NRXN1: variants seen among roughly 807,000 people sequenced by gnomAD.
NRXN1 encodes neurexin 1.
In NRXN1, 39 loss-of-function variants were observed where a neutral mutation model predicts 150.9. The ratio of observed to expected loss-of-function variants is 0.26; its 90% CI spans 0.20 to 0.34. The LOEUF (loss-of-function observed/expected upper bound fraction) is 0.34, where lower values mean the gene tolerates loss of function less well. NRXN1 is among the 10% of genes least tolerant of loss of function. The pLI, the probability that NRXN1 is intolerant of heterozygous loss-of-function variation, is 1.00. For synonymous variants in NRXN1, 924 were observed against 757.0 expected (o/e 1.22, Z -3.62); for missense variants, 1,815 against 1,949.9 (o/e 0.93, Z 1.30).
intron 17 of NRXN1, among the ~76,000 whole-genome samples, chr2:50,331,155 G>T (rs1401335857): frequency 6.6e-6 from 1 of 151,964 alleles, no homozygotes; most frequent in Admixed American, 6.6e-5. Context: ...AATTGGAAAA[G>T]ACATTATAAA....
chr2:50,778,506 A>G (rs2105497187), intron 5 of NRXN1, among the ~76,000 whole-genome samples: 1 of 152,356 alleles, frequency 6.6e-6, no homozygotes, highest in Non-Finnish European at 1.5e-5. Flanking sequence ...AATTCCAGGT[A>G]GAACCTTGGT....
chr2:50,531,096 T>G (rs1273759302), intron 11 of NRXN1, 131 bp downstream of exon 11: 2 of 654,108 alleles, frequency 3.1e-6, no homozygotes, highest in Admixed American at 6.1e-5. Flanking sequence ...TCAAATTACT[T>G]TAAATGATGG....
chr2:50,358,648 G>C (rs1379511429), intron 17 of NRXN1, among the ~76,000 whole-genome samples: 1 of 152,336 alleles, frequency 6.6e-6, no homozygotes, highest in Non-Finnish European at 1.5e-5. Flanking sequence ...GCGGCTGTTG[G>C]CACAGCTTCA....
chr2:50,447,069 G>C (rs1464020834), intron 17 of NRXN1, among the ~76,000 whole-genome samples: 1 of 152,114 alleles, frequency 6.6e-6, no homozygotes, highest in Non-Finnish European at 1.5e-5. Context: ...GTCATGTAGT[G>C]AGTAGAATGG....
At chr2:50,585,484 T>C (rs764021819) in intron 8 of NRXN1, among the ~76,000 whole-genome samples, 2 of 152,188 alleles carry the variant, frequency 1.3e-5, no homozygotes, top group Admixed American at 6.6e-5. Context: ...TAATGAATTA[T>C]ATACTAAAAA....
intron 17 of NRXN1, among the ~76,000 whole-genome samples, chr2:50,443,201 T>C (rs1003432256): frequency 1.3e-5 from 2 of 152,142 alleles, no homozygotes; most frequent in Non-Finnish European, 2.9e-5. Context: ...CATTAAATAA[T>C]ATTGACAATT....
chr2:50,991,165 T>A (rs961621652), intron 2 of NRXN1, among the ~76,000 whole-genome samples: 2 of 152,020 alleles, frequency 1.3e-5, no homozygotes, highest in Non-Finnish European at 2.9e-5. Flanking sequence ...GCTGTTAAGC[T>A]TTTTTGTGTT....
intron 9 of NRXN1, chr2:50,547,357 G>C (rs917292604): frequency 2.0e-5 from 3 of 152,074 alleles, no homozygotes; most frequent in Admixed American, 6.6e-5. Flanking sequence ...ATACTTGAGA[G>C]GGTACTTTGA....
intron 21 of NRXN1, among the ~76,000 whole-genome samples, chr2:50,050,304 A>C (rs2152619013): frequency 6.6e-6 from 1 of 152,184 alleles, no homozygotes; most frequent in Admixed American, 6.6e-5. Context: ...CTATCCCTGC[A>C]GGATGGCTGA....
chr2:50,974,923 T>C (rs1303186042), intron 2 of NRXN1, among the ~76,000 whole-genome samples: 1 of 152,094 alleles, frequency 6.6e-6, no homozygotes, highest in East Asian at 1.9e-4. Context: ...TTGTATTTCA[T>C]TTCATTTCAT....
At chr2:49,986,245 T>G (rs1680888651) in intron 21 of NRXN1, among the ~76,000 whole-genome samples, 1 of 152,190 alleles carries the variant, frequency 6.6e-6, no homozygotes. Flanking sequence ...ATTGTCACTG[T>G]TAAAAATAAT....
chr2:50,465,621 A>G (rs1179332000), intron 16 of NRXN1, 60 bp from the exon 17 acceptor site: 4 of 1,526,184 alleles, frequency 2.6e-6, no homozygotes, highest in South Asian at 2.5e-5. Flanking sequence ...CATTTTATAC[A>G]TGAGCTAGAT....
chr2:50,375,238 C>T (rs963856693), intron 17 of NRXN1, among the ~76,000 whole-genome samples: 4 of 151,882 alleles, frequency 2.6e-5, no homozygotes, highest in African/African-American at 9.7e-5. Context: ...GACAATTATT[C>T]ATACCAGGCT....
intron 2 of NRXN1, 27 bp from the exon 3 acceptor site, chr2:50,925,982 G>A (rs1686813059): frequency 6.4e-7 from 1 of 1,560,454 alleles, no homozygotes; most frequent in Non-Finnish European, 8.7e-7. Flanking sequence ...AGGAGGGAGA[G>A]AAAAGGAAAA....
chr2:50,918,904 AG>A (rs1685595456), intron 5 of NRXN1: 1 of 180,202 alleles, frequency 5.5e-6, no homozygotes. Flanking sequence ...AACCAGCAAA[AG>A]TAAGGTTGGC....
intron 5 of NRXN1, among the ~76,000 whole-genome samples, chr2:50,825,786 G>A (rs976947900): frequency 6.6e-5 from 10 of 152,188 alleles, no homozygotes. Flanking sequence ...AGTCGGTCGG[G>A]AGGCACTCTT....
chr2:50,753,671 T>C (rs1161646292), intron 5 of NRXN1, among the ~76,000 whole-genome samples: 1 of 151,762 alleles, frequency 6.6e-6, no homozygotes, highest in Non-Finnish European at 1.5e-5. Flanking sequence ...TATCTGAAAA[T>C]AAAGAAAATA....
intron 5 of NRXN1, among the ~76,000 whole-genome samples, chr2:50,651,034 G>A (rs948771192): frequency 1.3e-5 from 2 of 151,920 alleles, no homozygotes; most frequent in Non-Finnish European, 2.9e-5. Flanking sequence ...TTTGTTACCT[G>A]GCACTCAGAA....
At chr2:50,255,076 G>T (rs2152903952) in intron 17 of NRXN1, among the ~76,000 whole-genome samples, 1 of 152,074 alleles carries the variant, frequency 6.6e-6, no homozygotes, top group South Asian at 2.1e-4. Flanking sequence ...CGAAAGTGCT[G>T]GTATTACAGG....
Sources: gnomAD v4.1 joint callset for allele counts (sites outside exome capture counted in the v4.1 genomes callset) on GRCh38, gnomAD v4.1.1 for gene constraint, MANE v1.5 for transcripts, NCBI Gene and HGNC (gene_info 2026-07-23, HGNC 2026-07-21) for gene names.